NBPF12: variants seen among roughly 807,000 people sequenced by gnomAD.
The protein encoded by NBPF12 is NBPF member 12, also known as NBPF family member NBPF12.
In NBPF12, 115 loss-of-function variants were observed where a neutral mutation model predicts 146.4. The ratio of observed to expected loss-of-function variants is 0.79; its 90% CI spans 0.68 to 0.92. The LOEUF (loss-of-function observed/expected upper bound fraction) is 0.92, where lower values mean the gene tolerates loss of function less well. Among genes scored for constraint, NBPF12 ranks in the 40% least tolerant of loss-of-function variants. The pLI, the probability that NBPF12 is intolerant of heterozygous loss-of-function variation, is 0.00. For missense variants in NBPF12, 1,205 were observed against 1,326.8 expected (o/e 0.91, Z 1.43); for synonymous variants, 385 against 508.9 (o/e 0.76, Z 3.28).
intron 9 of NBPF12, among the ~76,000 whole-genome samples, chr1:146,967,610 A>G (rs1417555423): frequency 6.6e-6 from 1 of 150,634 alleles, no homozygotes; most frequent in Non-Finnish European, 1.5e-5. Flanking sequence ...AGGAAGAAAG[A>G]TCGCACCCGA....
rs201963778 is a variant in NBPF12 at position 146,994,461 on chromosome 1, C to G, written c.4260C>G (p.Tyr1420Ter). The change falls in exon 34 of 34, where the codon TAC (tyrosine) becomes TAG (stop). Residue 1420 changes from tyrosine (Y) to a stop codon, truncating the protein, a stop_gained. Coordinates refer to ENST00000617844, the Ensembl canonical transcript of NBPF12. LOFTEE classifies it high-confidence loss of function. Reference sequence around the variant, plus strand: ...TCCAGCACTACAGAAGTGTGTTTTACTCATTTGAGGAACAGCACATCACCT... The same window carrying G: ...TCCAGCACTACAGAAGTGTGTTTTAGTCATTTGAGGAACAGCACATCACCT... 63 of 1,611,298 alleles carry G rather than the reference C, an allele frequency of 3.9e-5. No individual in the cohort carries two copies. The highest frequency in any genetic ancestry group is 4.7e-5 in the Non-Finnish European group (56 of 1,179,630).
At chr1:146,966,232 C>A (rs1456697637) in intron 8 of NBPF12, among the ~76,000 whole-genome samples, 1 of 151,896 alleles carries the variant, frequency 6.6e-6, no homozygotes, top group Non-Finnish European at 1.5e-5. Flanking sequence ...TTTATAGAAA[C>A]GTATAAGCAA....
chr1:146,970,006 C>G (rs1313782777), intron 11 of NBPF12, among the ~76,000 whole-genome samples: 1 of 149,904 alleles, frequency 6.7e-6, no homozygotes, highest in East Asian at 2.0e-4. Flanking sequence ...CTCTCTCCAT[C>G]TGCAAAGGCA....
intron 11 of NBPF12, among the ~76,000 whole-genome samples, chr1:146,969,883 C>T (rs1479532158): frequency 1.0e-4 from 15 of 150,654 alleles, no homozygotes; most frequent in Admixed American, 5.9e-4. Flanking sequence ...GATGGGAGGG[C>T]GCTTGTTGGA....
At chr1:146,943,950 C>A (rs1435049736) in intron 2 of NBPF12, among the ~76,000 whole-genome samples, 2 of 140,332 alleles carry the variant, frequency 1.4e-5, no homozygotes, top group Non-Finnish European at 3.0e-5. Context: ...CATGGCTCAC[C>A]CCCTCCCTGT....
chr1:146,966,491 A>T, exon 9 of NBPF12: 1 of 1,435,414 alleles, frequency 7.0e-7, no homozygotes, highest in Admixed American at 1.7e-5. Flanking sequence ...TCTGCCACAA[A>T]CGTCAGCATG....
chr1:146,964,637 G>C (rs1374225008), intron 7 of NBPF12, among the ~76,000 whole-genome samples: 5 of 151,934 alleles, frequency 3.3e-5, no homozygotes, highest in Admixed American at 6.5e-5. Context: ...TACAGGGATA[G>C]CTGAGTCTTC....
At chr1:146,984,032 T>A in intron 20 of NBPF12, 102 bp from the exon 24 acceptor site, 1 of 708,634 alleles carries the variant, frequency 1.4e-6, no homozygotes, top group African/African-American at 1.8e-5. Flanking sequence ...GTTCTCACAC[T>A]GACAAGACTG....
chr1:146,962,180 C>A (rs1655892461), exon 5 of NBPF12: 1 of 1,608,878 alleles, frequency 6.2e-7, no homozygotes, highest in East Asian at 2.2e-5. Context: ...AGTGTAAAGA[C>A]CTCATAAAAT....
upstream of NBPF12, among the ~76,000 whole-genome samples, chr1:146,944,899 T>C (rs1319943631): frequency 3.0e-4 from 36 of 121,156 alleles, no homozygotes; most frequent in African/African-American, 1.1e-3. Context: ...TCCCTTCCTT[T>C]CTTCCTCCCT....
chr1:146,989,660 T>C, exon 28 of NBPF12: 1 of 1,611,934 alleles, frequency 6.2e-7, no homozygotes, highest in Non-Finnish European at 8.5e-7. Flanking sequence ...TCAGTTTATC[T>C]TGGACTGACT....
exon 14 of NBPF12, chr1:146,972,898 T>A: frequency 9.4e-7 from 1 of 1,058,502 alleles, no homozygotes. Flanking sequence ...TTCAGAAGCC[T>A]CAAAGAGAAA....
At chr1:146,984,577 C>CTGTGTGTGTGTG (rs1195588193) in intron 21 of NBPF12, among the ~76,000 whole-genome samples, 30 of 132,786 alleles carry the variant, frequency 2.3e-4, no homozygotes, top group Admixed American at 9.6e-4. Flanking sequence ...TGAGCTCACA[C>CTGTGTGTGTGTG]TGTGTGTGTG....
At chr1:146,962,197 T>A in exon 5 of NBPF12, 15 of 1,608,738 alleles carry the variant, frequency 9.3e-6, no homozygotes, top group Non-Finnish European at 1.0e-5. Flanking sequence ...AAATTTATGC[T>A]GAGGAATGAG....
intron 2 of NBPF12, among the ~76,000 whole-genome samples, chr1:146,954,795 T>A (rs1655491784): frequency 6.7e-6 from 1 of 148,996 alleles, no homozygotes; most frequent in Non-Finnish European, 1.5e-5. Context: ...AGAATATATA[T>A]CAGTGGAAGA....
upstream of NBPF12, among the ~76,000 whole-genome samples, chr1:146,938,359 G>C (rs1169587386): frequency 2.0e-5 from 3 of 152,126 alleles, no homozygotes; most frequent in Non-Finnish European, 2.9e-5. Context: ...GCAGCGCGAA[G>C]CCTGCAGTCC....
At chr1:146,964,196 C>T (rs1553885215) in intron 6 of NBPF12, among the ~76,000 whole-genome samples, 161 bp from the exon 10 acceptor site, 8 of 150,000 alleles carry the variant, frequency 5.3e-5, no homozygotes, top group East Asian at 3.9e-4. Context: ...GCCTGATGGA[C>T]CAGGAAACCA....
At chr1:146,942,552 C>T (rs1329245304) in intron 1 of NBPF12, among the ~76,000 whole-genome samples, 1 of 150,720 alleles carries the variant, frequency 6.6e-6, no homozygotes, top group East Asian at 1.9e-4. Context: ...CATACTAATA[C>T]CATATTCAGC....
At chr1:146,980,628 G>A (rs1201535768) in intron 19 of NBPF12, among the ~76,000 whole-genome samples, 1 of 151,998 alleles carries the variant, frequency 6.6e-6, no homozygotes, top group Non-Finnish European at 1.5e-5. Flanking sequence ...CTTTAAGAAT[G>A]TTGAAGGTGC....
Sources: allele counts gnomAD v4.1 joint callset (sites outside exome capture counted in the v4.1 genomes callset), GRCh38; gene constraint gnomAD v4.1.1; transcripts MANE v1.5; gene names NCBI Gene and HGNC (gene_info 2026-07-23, HGNC 2026-07-21).